Variants in PNPLA7 observed in about 807,000 individuals in gnomAD.
PNPLA7 encodes the protein patatin like domain 7, lysophospholipase.
A neutral mutation model predicts 161.7 loss-of-function variants in PNPLA7; 153 were observed. The ratio of observed to expected loss-of-function variants is 0.95; its 90% CI spans 0.83 to 1.08. PNPLA7 has a LOEUF of 1.08. Among genes scored for constraint, PNPLA7 ranks in the 50% least tolerant of loss-of-function variants. The probability of loss-of-function intolerance (pLI) is 0.00; values close to 1 mark genes in which losing one functional copy is unlikely to be tolerated. For synonymous variants in PNPLA7, 809 were observed against 782.1 expected (o/e 1.03, Z -0.57); for missense variants, 1,739 against 1,856.6 (o/e 0.94, Z 1.16).
intron 9 of PNPLA7, among the ~76,000 whole-genome samples, chr9:137,522,351 G>T (rs997320945): frequency 1.3e-5 from 2 of 150,192 alleles, no homozygotes; most frequent in Non-Finnish European, 2.9e-5. Context: ...TGGGGTTACA[G>T]GCGGGAGCCG....
chr9:137,479,375 T>C lies in PNPLA7; in HGVS notation c.2581-137A>G, dbSNP rs1397154513. On this transcript the variant is annotated intron_variant, in intron 23 of 34. Coordinates refer to ENST00000406427, the MANE Select transcript of PNPLA7 (RefSeq NM_001098537.3). ...TGGGTTCTGCAAAGCAACTTGGCTGTGGCCTGGTCTGCCTTGGCGCTGCCG... is the reference window on the plus strand; with the variant it reads ...TGGGTTCTGCAAAGCAACTTGGCTGCGGCCTGGTCTGCCTTGGCGCTGCCG... 5 of 1,349,520 alleles carry C rather than the reference T, an allele frequency of 3.7e-6. No individual in the cohort carries two copies. The East Asian group carries it at 1.1e-4, about 30-fold the overall frequency. 83.6% of individuals were successfully genotyped at this position (1,349,520 alleles called of 1,614,324 possible).
intron 20 of PNPLA7, chr9:137,491,957 C>T (rs545979360): frequency 3.5e-5 from 34 of 985,396 alleles, no homozygotes; most frequent in East Asian, 2.3e-4. Flanking sequence ...GCAGGACACG[C>T]GGGAGCAGCC....
At chr9:137,527,604 A>G (rs1835367770) in intron 8 of PNPLA7, among the ~76,000 whole-genome samples, 1 of 152,196 alleles carries the variant, frequency 6.6e-6, no homozygotes, top group Non-Finnish European at 1.5e-5. Context: ...AATAAATCCC[A>G]CTGATCATGA....
chr9:137,537,031 G>A lies in PNPLA7; in HGVS notation c.747+3611C>T, dbSNP rs978667663. On this transcript the variant is annotated intron_variant, in intron 8 of 34. Coordinates refer to ENST00000406427, the MANE Select transcript of PNPLA7 (RefSeq NM_001098537.3). The surrounding 1 kb of genome is among the most constrained non-coding windows in gnomAD (Gnocchi z 4.5). The stretch of plus-strand genomic sequence containing the variant: ...ACAGGAAGCATGGGGGCCATCCACC[G>A]AGCCACACTTTATCTCCCACAACAG... Among the ~76,000 whole-genome samples the A allele has an allele frequency of 6.6e-6, 1 of 152,060 alleles. No homozygotes were observed. The highest frequency in any genetic ancestry group is 1.5e-5 in the Non-Finnish European group (1 of 68,020).
At chr9:137,508,019 A>C (rs1162744577) in intron 12 of PNPLA7, among the ~76,000 whole-genome samples, 2 of 151,388 alleles carry the variant, frequency 1.3e-5, no homozygotes, top group South Asian at 4.2e-4. Context: ...ACAGCAAGAG[A>C]TCTCTATCTA....
At chr9:137,464,621 G>A in intron 26 of PNPLA7, 165 bp from the exon 27 acceptor site, 3 of 658,902 alleles carry the variant, frequency 4.6e-6, no homozygotes, top group South Asian at 1.8e-5. Flanking sequence ...GAGCCTCAGA[G>A]TGAGCAGAGG....
intron 8 of PNPLA7, among the ~76,000 whole-genome samples, chr9:137,526,297 C>CT (rs981390658): frequency 8.7e-5 from 13 of 149,066 alleles, no homozygotes; most frequent in East Asian, 3.9e-4. Flanking sequence ...GATTTTCATC[C>CT]TTTTTTTTTT....
intron 20 of PNPLA7, among the ~76,000 whole-genome samples, chr9:137,488,732 ACCC>A (rs1205003728): frequency 5.6e-5 from 2 of 35,916 alleles, no homozygotes; most frequent in African/African-American, 1.1e-4. Context: ...CCAACTGTGC[ACCC>A]CCCGACCAGC....
In PNPLA7 at chr9:137,498,142, C is replaced by G; in HGVS notation, c.1861G>C (p.Glu621Gln). 1 of 1,613,100 alleles carries G rather than the reference C, an allele frequency of 6.2e-7. No individual in the cohort carries two copies. The highest frequency in any genetic ancestry group is 8.5e-7 in the Non-Finnish European group (1 of 1,179,984). Residue 621 changes from glutamate to glutamine, a missense_variant, in exon 17 of 35, where the codon GAG becomes CAG. Physicochemically the swap from Glu to Gln is conservative, Grantham distance 29 (BLOSUM62 2). Around this residue, in one of 6 missense-constraint regions of PNPLA7, gnomAD observed 481 missense variants for 450.0 expected, o/e 1.07. Transcript: ENST00000406427. Reference protein sequence around the residue: ...RQIDFALDWVEVEAGRAIYRQ... With the variant: ...RQIDFALDWVQVEAGRAIYRQ... ...TATATTGCTCGCCCGGCCTCCACCT[C>G]CACCCAGTCCAGGGCAAAGTCGATT...
At chr9:137,516,249 G>A (rs1834563062) in intron 11 of PNPLA7, 1 of 912,348 alleles carries the variant, frequency 1.1e-6, no homozygotes, top group Non-Finnish European at 1.3e-6. Context: ...CCCATTGGTG[G>A]ATGTGGCTGT....
chr9:137,480,777 C>T, intron 22 of PNPLA7, 183 bp downstream of exon 22: 1 of 802,056 alleles, frequency 1.2e-6, no homozygotes, highest in East Asian at 2.7e-5. Flanking sequence ...CCTGACAGTG[C>T]CCAGCAGGTC....
chr9:137,495,635 G>A (rs1356323251), intron 18 of PNPLA7, among the ~76,000 whole-genome samples: 4 of 152,106 alleles, frequency 2.6e-5, no homozygotes, highest in East Asian at 1.9e-4. Flanking sequence ...TAGTAGAGAC[G>A]GGGTTTCACC....
chr9:137,543,214 A>G lies in PNPLA7; in HGVS notation c.506+218T>C, dbSNP rs2132636312. Among the ~76,000 whole-genome samples, 1 of 152,306 alleles carries G rather than the reference A, an allele frequency of 6.6e-6. No homozygotes were observed. The highest frequency in any genetic ancestry group is 6.5e-5 in the Admixed American group (1 of 15,300). ...TCTTGCCCTGGGTTCACCGCTGAAG[A>G]TGAAACACCGGGAAATCGTTCAACA... On this transcript the variant is annotated intron_variant, in intron 6 of 34. Coordinates refer to ENST00000406427, the MANE Select transcript of PNPLA7 (RefSeq NM_001098537.3). This position sits in a 1 kb window ranked among gnomAD's most constrained non-coding sequence, Gnocchi z 6.9.
intron 9 of PNPLA7, among the ~76,000 whole-genome samples, chr9:137,522,178 C>G (rs539034913): frequency 1.3e-5 from 2 of 152,172 alleles, no homozygotes; most frequent in Non-Finnish European, 1.5e-5. Context: ...GGGTTCATGC[C>G]GTTCTCCTGC....
At chr9:137,526,986 T>G (rs1190597292) in intron 8 of PNPLA7, among the ~76,000 whole-genome samples, 1 of 151,958 alleles carries the variant, frequency 6.6e-6, no homozygotes, top group African/African-American at 2.4e-5. Context: ...AACACACACT[T>G]GGCCAGGCAT....
chr9:137,463,197 T>C lies in PNPLA7; in HGVS notation c.3343+218A>G, dbSNP rs1831301209. ...TGCTGAGCTGACAAACAGGGCCATA[T>C]GCTGGAGCACATGCTGCCGGTGCCT... On this transcript the variant is annotated intron_variant, in intron 29 of 34. Coordinates refer to ENST00000406427, the MANE Select transcript of PNPLA7 (RefSeq NM_001098537.3). 8.4e-6 allele frequency: 5 copies of C among 597,580 alleles called. No individual in the cohort carries two copies. In the Admixed American group the frequency reaches 1.5e-4, roughly 18 times the overall value. The allele number at this position is 597,580 out of a possible 1,614,324, so 37.0% of individuals were successfully genotyped here.
intron 14 of PNPLA7, among the ~76,000 whole-genome samples, chr9:137,503,107 T>C (rs901538687): frequency 4.6e-5 from 7 of 152,038 alleles, no homozygotes; most frequent in Non-Finnish European, 8.8e-5. Context: ...ACTGGCTGGG[T>C]ACAGTGGCTC....
chr9:137,462,288 C>T lies in PNPLA7; in HGVS notation c.3536G>A (p.Cys1179Tyr), dbSNP rs1316498721. The change falls in exon 31 of 35, where the codon TGT becomes TAT. Residue 1179 changes from cysteine (C) to tyrosine (Y), a missense_variant. Cys to Tyr is a radical substitution (Grantham distance 194). Transcript: ENST00000406427. Reference sequence around the variant, plus strand: ...CACCACCTCCAGCTGCCGCACGCAACACACGTAGGCCAGGCGCGTCTGAAT... The same window carrying T: ...CACCACCTCCAGCTGCCGCACGCAATACACGTAGGCCAGGCGCGTCTGAAT... ...AEIQTRLAYVCCVRQLEVVKS... is the reference protein window; with the variant it reads ...AEIQTRLAYVYCVRQLEVVKS... The T allele has an allele frequency of 6.2e-7, 1 of 1,611,574 alleles. No individual in the cohort carries two copies. The highest frequency in any genetic ancestry group is 8.5e-7 in the Non-Finnish European group (1 of 1,179,218).
intron 4 of PNPLA7, among the ~76,000 whole-genome samples, chr9:137,544,894 C>CA (rs768161650): frequency 6.6e-6 from 1 of 152,212 alleles, no homozygotes; most frequent in African/African-American, 2.4e-5. Flanking sequence ...ATGATCCGCC[C>CA]ACCTCAGCCT....
Sources: gnomAD v4.1 joint callset for allele counts (sites outside exome capture counted in the v4.1 genomes callset) on GRCh38, gnomAD v4.1.1 for gene constraint, gnomAD v4.1.1 regional missense constraint, Gnocchi (gnomAD v3.1) non-coding constraint, MANE v1.5 for transcripts, NCBI Gene and HGNC (gene_info 2026-07-23, HGNC 2026-07-21) for gene names.